Variants in PSMD9 observed in about 807,000 individuals in gnomAD.
The protein encoded by PSMD9 is proteasome 26S subunit, non-ATPase 9, also known as 26S proteasome non-ATPase regulatory subunit 9.
A neutral mutation model predicts 25.9 loss-of-function variants in PSMD9; 26 were observed. That is an observed-to-expected ratio of 1.00 (90% confidence interval 0.73 to 1.39). The LOEUF is 1.39. PSMD9 is among the 40% of genes most tolerant of loss of function. PSMD9 has a pLI of 0.00. For synonymous variants in PSMD9, 110 were observed against 114.5 expected, an observed-to-expected ratio of 0.96 and a Z score of 0.25; for missense variants, 303 against 299.3, an observed-to-expected ratio of 1.01 and a Z score of -0.09.
At chr12:121,892,714 T>A (rs905507684) in intron 1 of PSMD9, among the ~76,000 whole-genome samples, 4 of 150,950 alleles carry the variant, frequency 2.6e-5, no homozygotes, top group African/African-American at 7.3e-5. Context: ...AAAAAAAAAA[T>A]TAAAAATTAA....
At position 121,899,813 on chromosome 12, in the gene PSMD9, A is replaced by G; in HGVS notation, c.421A>G (p.Ser141Gly). The G allele has an allele frequency of 6.2e-7, 1 of 1,614,056 alleles. No individual in the cohort carries two copies. Among genetic ancestry groups the G allele is most frequent in the Non-Finnish European group, 8.5e-7 (1 of 1,179,910 alleles). ...TCCACGGGCCTTCGCCAAAGTGAAC[A>G]GCATCAGCCCCGGCTCCCCAGCCAG... Reference protein sequence around the residue: ...GPPRAFAKVNSISPGSPASIA... With the variant: ...GPPRAFAKVNGISPGSPASIA... Residue 141 changes from serine (S) to glycine (G), a missense_variant, in exon 3 of 6, where the codon AGC becomes GGC. Coordinates refer to ENST00000541212, the MANE Select transcript of PSMD9 (RefSeq NM_002813.7).
intron 1 of PSMD9, among the ~76,000 whole-genome samples, chr12:121,890,549 C>T (rs1048230694): frequency 2.6e-5 from 4 of 152,058 alleles, no homozygotes; most frequent in African/African-American, 9.7e-5. Context: ...TTCACTGCAG[C>T]CTCAATCTCC....
rs375667548 is a variant in PSMD9 at position 121,911,845 on chromosome 12, G to A, written c.556-4011G>A. Among the ~76,000 whole-genome samples the A allele has an allele frequency of 1.3e-4, 19 of 151,450 alleles. No homozygotes were observed. In the East Asian group the frequency reaches 2.7e-3, roughly 22 times the overall value. ...TTTTTGTATTTTTAGTAGAGACTGG[G>A]TTTCACCATGTTGACCAGGCTCGCC... On this transcript the variant is annotated intron_variant, in intron 4 of 5. Coordinates refer to ENST00000541212, the MANE Select transcript of PSMD9 (RefSeq NM_002813.7).
intron 3 of PSMD9, 162 bp from the exon 4 acceptor site, chr12:121,902,844 C>T (rs989001143): frequency 5.0e-6 from 3 of 594,232 alleles, no homozygotes; most frequent in Non-Finnish European, 6.2e-6. Flanking sequence ...CCCACTGCCC[C>T]TTCCTGCATG....
rs1454402054 is a variant in PSMD9, at chr12:121,899,816, A to G, written c.424A>G (p.Ile142Val). ...ACGGGCCTTCGCCAAAGTGAACAGCATCAGCCCCGGCTCCCCAGCCAGCAT... is the reference window on the plus strand; with the variant it reads ...ACGGGCCTTCGCCAAAGTGAACAGCGTCAGCCCCGGCTCCCCAGCCAGCAT... ...PPRAFAKVNSISPGSPASIAG... is the reference protein window; with the variant it reads ...PPRAFAKVNSVSPGSPASIAG... Residue 142 changes from isoleucine (I) to valine (V), a missense_variant, in exon 3 of 6, where the codon ATC becomes GTC. By Grantham distance (29) the Ile-to-Val change is conservative (BLOSUM62 3). Transcript: ENST00000541212. 5.6e-6 allele frequency: 9 copies of G among 1,614,038 alleles called. No homozygotes were observed. Among genetic ancestry groups the G allele is most frequent in the Non-Finnish European group, 7.6e-6 (9 of 1,179,914 alleles).
chr12:121,903,668 C>T (rs1034476531), intron 4 of PSMD9, among the ~76,000 whole-genome samples: 7 of 151,838 alleles, frequency 4.6e-5, no homozygotes, highest in East Asian at 1.9e-4. Flanking sequence ...TCGCAGGGGG[C>T]CTTTCCTGGC....
chr12:121,894,082 C>T (rs1012834921), intron 1 of PSMD9: 22 of 152,088 alleles, frequency 1.4e-4, no homozygotes, highest in African/African-American at 5.1e-4. Context: ...TGCAAAGCCC[C>T]TCCCCTGAAC....
At chr12:121,904,664 T>C (rs1264939328) in intron 4 of PSMD9, among the ~76,000 whole-genome samples, 1 of 118,146 alleles carries the variant, frequency 8.5e-6, no homozygotes, top group Admixed American at 9.4e-5. Context: ...ATTATTATTA[T>C]TATTATTATT....
At chr12:121,899,428 A>C in intron 2 of PSMD9, 1 of 572,242 alleles carries the variant, frequency 1.7e-6, no homozygotes. Context: ...ATCAGATGTT[A>C]TTGTAATTAC....
intron 1 of PSMD9, 37 bp downstream of exon 1, chr12:121,889,031 C>A: frequency 6.4e-7 from 1 of 1,558,772 alleles, no homozygotes; most frequent in Non-Finnish European, 8.7e-7. Flanking sequence ...GTCGCCTAAC[C>A]CGGCCCGGAG....
intron 4 of PSMD9, among the ~76,000 whole-genome samples, chr12:121,912,905 C>T (rs1266258949): frequency 6.1e-5 from 9 of 147,718 alleles, no homozygotes; most frequent in African/African-American, 1.5e-4. Context: ...AAAGAAAGGT[C>T]TATTCAAGTC....
At chr12:121,894,704 C>A in intron 1 of PSMD9, 35 bp from the exon 2 acceptor site, 1 of 1,572,854 alleles carries the variant, frequency 6.4e-7, no homozygotes, top group South Asian at 1.1e-5. Context: ...ACATTACACC[C>A]ATGAGCACCT....
chr12:121,896,651 A>C (rs1215422451), intron 2 of PSMD9, among the ~76,000 whole-genome samples: 2 of 151,944 alleles, frequency 1.3e-5, no homozygotes, highest in Non-Finnish European at 1.5e-5. Context: ...AGCCTGACCA[A>C]CATGGAGAAA....
rs1488971996 is a variant in PSMD9, at chr12:121,891,187, T to C, written c.138+2193T>C. Among the ~76,000 whole-genome samples, 5 of 150,432 alleles carry C rather than the reference T, an allele frequency of 3.3e-5. No homozygotes were observed. In the East Asian group the frequency reaches 8.0e-4, roughly 24 times the overall value. On this transcript the variant is annotated intron_variant, in intron 1 of 5. Transcript: ENST00000541212. The stretch of plus-strand genomic sequence containing the variant: ...GGTGCATGCCTGTAGTCCTAGCTAC[T>C]TGGGAGGCTGAGGCAGGAGGATTGC...
chr12:121,914,936 G>A (rs1446083627), intron 4 of PSMD9: 2 of 152,142 alleles, frequency 1.3e-5, no homozygotes, highest in African/African-American at 4.8e-5. Flanking sequence ...TTTTTCCAAA[G>A]GACTAGTCCT....
intron 4 of PSMD9, among the ~76,000 whole-genome samples, chr12:121,910,392 AT>A (rs143542292): frequency 0.047 from 7,175 of 151,080 alleles, 324 homozygotes; most frequent in East Asian, 0.21. Flanking sequence ...CCTATGCTGT[AT>A]TTTCTTAGAT....
rs1259709092 is a variant in PSMD9, at chr12:121,897,613, T to A, written c.242-2021T>A. ...CGGGATTTCACCATGTTGGCCAGGC[T>A]GGTCTCCAACTCCTGACCTCAGGTG... On this transcript the variant is annotated intron_variant, in intron 2 of 5. Transcript: ENST00000541212. 2.0e-5 allele frequency: 3 copies of A among 149,978 alleles called. No homozygotes were observed. The East Asian group carries it at 5.8e-4, about 29-fold the overall frequency. The allele number at this position is 149,978 out of a possible 1,614,324, so 9.3% of individuals were successfully genotyped here. A position where few individuals can be genotyped will look rare whatever the true frequency, so the allele number is the denominator to read the frequency against.
chr12:121,916,530 C>T lies in PSMD9; in HGVS notation c.*219C>T, dbSNP rs138686848. On this transcript the variant is annotated 3_prime_UTR_variant, in exon 6 of 6. Transcript: ENST00000541212. ...TTGGCCTCTTTCACAAATTAGGCCA[C>T]GGCCCTAAATAGGAATTCCCTGGAT... is the stretch of plus-strand genomic sequence containing the variant. The T allele has an allele frequency of 1.1e-4, 65 of 592,410 alleles. No individual in the cohort carries two copies. Among genetic ancestry groups the T allele is most frequent in the Middle Eastern group, 8.6e-4 (2 of 2,318 alleles). The allele number at this position is 592,410 out of a possible 1,614,324, so 36.7% of individuals were successfully genotyped here.
At position 121,904,296 on chromosome 12, in the gene PSMD9, T is replaced by A. The variant is rs894532978; in HGVS notation, c.555+1189T>A. Among the ~76,000 whole-genome samples, 10 of 151,576 alleles carry A rather than the reference T, an allele frequency of 6.6e-5. 1 individual carries two copies. The highest frequency in any genetic ancestry group is 2.4e-4 in the African/African-American group (10 of 41,318). ...TTTTTTTAATTAAGAAATTCTTGGC[T>A]GGGCGTGGTGGCTCACTCCTGTAAT... On this transcript the variant is annotated intron_variant, in intron 4 of 5. Coordinates refer to ENST00000541212, the MANE Select transcript of PSMD9 (RefSeq NM_002813.7).
Sources: gnomAD v4.1 joint callset for allele counts (sites outside exome capture counted in the v4.1 genomes callset) on GRCh38, gnomAD v4.1.1 for gene constraint, MANE v1.5 for transcripts, NCBI Gene and HGNC (gene_info 2026-07-23, HGNC 2026-07-21) for gene names.